GOLGA3: variants seen among roughly 807,000 people sequenced by gnomAD.
The protein encoded by GOLGA3 is golgin subfamily A member 3.
A neutral mutation model predicts 169.4 loss-of-function variants in GOLGA3; 75 were observed. That is an observed-to-expected ratio of 0.44 (90% confidence interval 0.37 to 0.54). The LOEUF is 0.54. Among genes scored for constraint, GOLGA3 ranks in the 20% least tolerant of loss-of-function variants. The pLI is 0.00. For synonymous variants in GOLGA3, 824 were observed against 822.4 expected, an observed-to-expected ratio of 1.00 and a Z score of -0.03; for missense variants, 1,899 against 1,930.0, an observed-to-expected ratio of 0.98 and a Z score of 0.30.
At position 132,798,328 on chromosome 12, in the gene GOLGA3, C is replaced by T. The variant is rs185149597; in HGVS notation, c.1938+12G>A. 2 of 1,597,530 alleles carry T rather than the reference C, an allele frequency of 1.3e-6. No homozygotes were observed. Among genetic ancestry groups the T allele is most frequent in the East Asian group, 4.5e-5 (2 of 44,716 alleles). On this transcript the variant is annotated intron_variant, in intron 9 of 23. Coordinates refer to ENST00000450791, the MANE Select transcript of GOLGA3 (RefSeq NM_001389683.1). ...TTCTCCTAAGCTTCCACGGCCCCGG[C>T]CGCAGCCTCACCTCAATGCCCTGCA... is the stretch of plus-strand genomic sequence containing the variant.
intron 8 of GOLGA3, among the ~76,000 whole-genome samples, chr12:132,801,424 C>T (rs1007435647): frequency 1.8e-4 from 28 of 151,712 alleles, no homozygotes; most frequent in African/African-American, 1.2e-4. Flanking sequence ...TTCACAGGCA[C>T]GCAACACTGT....
At position 132,808,055 on chromosome 12, in the gene GOLGA3, C is replaced by G; in HGVS notation, c.1014G>C (p.Thr338=). 6.2e-7 allele frequency: 1 copy of G among 1,600,696 alleles called. No homozygotes were observed. The highest frequency in any genetic ancestry group is 8.5e-7 in the Non-Finnish European group (1 of 1,172,214). The part of the protein sequence containing the change: ...TYGILSKTVG[T]QDTPYMVNGQ... ...CGTTGACCATATAGGGGGTGTCCTGCGTGCCCACTGTCTTCGACAGAATGC... is the reference window on the plus strand; with the variant it reads ...CGTTGACCATATAGGGGGTGTCCTGGGTGCCCACTGTCTTCGACAGAATGC... The change falls in exon 5 of 24, where the codon ACG becomes ACC. Residue 338 remains threonine, a synonymous_variant. Transcript: ENST00000450791.
In GOLGA3 at chr12:132,777,513, A is replaced by T. The variant is rs2045313082; in HGVS notation, c.3722+153T>A. Among the ~76,000 whole-genome samples, 1 of 152,172 alleles carries T rather than the reference A, an allele frequency of 6.6e-6. No individual in the cohort carries two copies. Among genetic ancestry groups the T allele is most frequent in the South Asian group, 2.1e-4 (1 of 4,832 alleles). ...GTGAGTGAGGCTCAGGATTCTGGAG[A>T]CGGAGGCTGGGTGCCTTCTACTCCT... On this transcript the variant is annotated intron_variant, in intron 19 of 23. Coordinates refer to ENST00000450791, the MANE Select transcript of GOLGA3 (RefSeq NM_001389683.1). This position sits in a 1 kb window ranked among gnomAD's most constrained non-coding sequence, Gnocchi z 4.7.
intron 11 of GOLGA3, among the ~76,000 whole-genome samples, chr12:132,794,097 T>C (rs979850548): frequency 2.0e-5 from 3 of 152,154 alleles, no homozygotes; most frequent in Non-Finnish European, 4.4e-5. Flanking sequence ...TCACGTCACC[T>C]GCCCCTGGTC....
Position 132,822,205 on chromosome 12 carries a change from C to T in GOLGA3, c.-77G>A. On this transcript the variant is annotated 5_prime_UTR_variant, in exon 2 of 24. Coordinates refer to ENST00000450791, the MANE Select transcript of GOLGA3 (RefSeq NM_001389683.1). The stretch of plus-strand genomic sequence containing the variant: ...GGACAAGCTTGGCTTCTGCCATCAG[C>T]AACAGCCAAGAGCTCCTGGGAGGGG... 2.6e-6 allele frequency: 4 copies of T among 1,520,962 alleles called. No individual in the cohort carries two copies. Among genetic ancestry groups the T allele is most frequent in the East Asian group, 2.5e-5 (1 of 39,596 alleles). 94.2% of individuals were successfully genotyped at this position (1,520,962 alleles called of 1,614,324 possible). A position where few individuals can be genotyped will look rare whatever the true frequency, so the allele number is the denominator to read the frequency against.
intron 1 of GOLGA3, 175 bp downstream of exon 1, chr12:132,828,628 C>A (rs1328613274): frequency 1.3e-5 from 2 of 152,340 alleles, no homozygotes; most frequent in African/African-American, 2.4e-5. Context: ...GGCGCCCAGG[C>A]CCGAGGCCAC....
Position 132,782,331 on chromosome 12 carries a change from T to C in GOLGA3, c.3430A>G (p.Lys1144Glu). 1 of 1,614,228 alleles carries C rather than the reference T, an allele frequency of 6.2e-7. No homozygotes were observed. Among genetic ancestry groups the C allele is most frequent in the Non-Finnish European group, 8.5e-7 (1 of 1,180,032 alleles). Residue 1144 changes from lysine to glutamate, a missense_variant, in exon 17 of 24, where the codon AAG (lysine) becomes GAG (glutamate). By Grantham distance (56) the Lys-to-Glu change is moderately conservative (BLOSUM62 1). Transcript: ENST00000450791. ...HNSILETALA[K>E]READLVQLNL... ...AACTGGACTAGGTCTGCCTCCCTCTTGGCCAAAGCTGTTTCTAGGATGCTG... is the reference window on the plus strand; with the variant it reads ...AACTGGACTAGGTCTGCCTCCCTCTCGGCCAAAGCTGTTTCTAGGATGCTG...
chr12:132,792,429 G>C (rs981501129), intron 11 of GOLGA3, among the ~76,000 whole-genome samples: 2 of 152,228 alleles, frequency 1.3e-5, no homozygotes, highest in African/African-American at 4.8e-5. Flanking sequence ...TACAGAACCC[G>C]GTGTTGGGCT....
intron 14 of GOLGA3, 44 bp downstream of exon 14, chr12:132,786,649 T>G: frequency 6.6e-6 from 4 of 602,326 alleles, no homozygotes; most frequent in East Asian, 1.6e-4. Flanking sequence ...CCCCCGCACC[T>G]CCCACCTGGC....
intron 21 of GOLGA3, among the ~76,000 whole-genome samples, chr12:132,775,976 C>G (rs2045205246): frequency 6.6e-6 from 1 of 152,262 alleles, no homozygotes; most frequent in Admixed American, 6.5e-5. Context: ...CGGAGCCGGC[C>G]CAGGCTTCGC....
At chr12:132,826,872 G>A (rs566045128) in intron 1 of GOLGA3, among the ~76,000 whole-genome samples, 1 of 152,200 alleles carries the variant, frequency 6.6e-6, no homozygotes, top group African/African-American at 2.4e-5. Context: ...AACTGCCAGT[G>A]CATCACAGAA....
intron 8 of GOLGA3, among the ~76,000 whole-genome samples, chr12:132,800,487 C>T (rs1949078095): frequency 6.6e-6 from 1 of 152,056 alleles, no homozygotes; most frequent in Admixed American, 6.5e-5. Context: ...GAGCAAGACT[C>T]CATCTCAAAA....
At chr12:132,779,549 C>T (rs139659814) in intron 18 of GOLGA3, among the ~76,000 whole-genome samples, 11 of 152,270 alleles carry the variant, frequency 7.2e-5, no homozygotes, top group East Asian at 1.9e-4. Flanking sequence ...ACTGTTAGGC[C>T]GAAAAGTTTG....
In GOLGA3 at chr12:132,786,520, A is replaced by T; in HGVS notation, c.2942T>A (p.Leu981Gln). 1 of 1,613,274 alleles carries T rather than the reference A, an allele frequency of 6.2e-7. No homozygotes were observed. The highest frequency in any genetic ancestry group is 1.7e-4 in the Middle Eastern group (1 of 6,056). ...CTGGGCGCTGGTCAAGTCTGAGCCC[A>T]GCCGCCTCATCTTCTGCTTCTGTTC... is the stretch of plus-strand genomic sequence containing the variant. ...ITEQKQKMRRLGSDLTSAQKE... is the reference protein window; with the variant it reads ...ITEQKQKMRRQGSDLTSAQKE... Residue 981 changes from leucine to glutamine, a missense_variant, in exon 15 of 24, where the codon CTG becomes CAG. Coordinates refer to ENST00000450791, the MANE Select transcript of GOLGA3 (RefSeq NM_001389683.1).
At chr12:132,785,698 C>T (rs904508009) in intron 15 of GOLGA3, among the ~76,000 whole-genome samples, 2 of 152,138 alleles carry the variant, frequency 1.3e-5, no homozygotes, top group African/African-American at 4.8e-5. Context: ...TAGAAACAAA[C>T]CACATATAAG....
rs1440272519 is a variant in GOLGA3, at chr12:132,772,552, A to AAC, written c.*552_*553insGT. On this transcript the variant is annotated 3_prime_UTR_variant, in exon 24 of 24. Transcript: ENST00000450791. ...AAGCGAGACTCTGTCTCAAAAAAAA[A>AAC]AAAAAAAAAAAAACAAAGATTGGAT... The AAC allele has an allele frequency of 1.4e-3, 213 of 151,850 alleles. 1 individual carries two copies. The highest frequency in any genetic ancestry group is 4.9e-3 in the African/African-American group (202 of 41,382). The allele number at this position is 151,850 out of a possible 1,614,324, so 9.4% of individuals were successfully genotyped here.
At chr12:132,795,544 T>A (rs1948788358) in intron 11 of GOLGA3, among the ~76,000 whole-genome samples, 1 of 152,094 alleles carries the variant, frequency 6.6e-6, no homozygotes, top group African/African-American at 2.4e-5. Context: ...GTGGATCACT[T>A]GAGGTTAGGA....
At chr12:132,788,778 G>A (rs1425055246) in intron 13 of GOLGA3, among the ~76,000 whole-genome samples, 1 of 152,122 alleles carries the variant, frequency 6.6e-6, no homozygotes, top group Non-Finnish European at 1.5e-5. Context: ...CTCCCTTCAT[G>A]CACCATCACC....
At chr12:132,784,763 T>A (rs539720181) in intron 15 of GOLGA3, among the ~76,000 whole-genome samples, 1 of 142,646 alleles carries the variant, frequency 7.0e-6, no homozygotes, top group Non-Finnish European at 1.5e-5. Context: ...ACCCCACGTG[T>A]TCACACCCCA....
Sources: allele counts gnomAD v4.1 joint callset (sites outside exome capture counted in the v4.1 genomes callset), GRCh38; gene constraint gnomAD v4.1.1; non-coding constraint Gnocchi (gnomAD v3.1); transcripts MANE v1.5; gene names NCBI Gene and HGNC (gene_info 2026-07-23, HGNC 2026-07-21).